The following CHD1L variants were observed in gnomAD, a reference collection of about 807,000 sequenced individuals.
CHD1L encodes chromodomain helicase DNA binding protein 1 like.
A neutral mutation model predicts 115.9 loss-of-function variants in CHD1L; 118 were observed. That is an observed-to-expected ratio of 1.02 (90% confidence interval 0.88 to 1.19). The LOEUF (loss-of-function observed/expected upper bound fraction) is 1.19, where lower values mean the gene tolerates loss of function less well. Ranked by LOEUF, CHD1L falls within the 50% of genes most tolerant of loss-of-function variation. The probability of loss-of-function intolerance (pLI) is 0.00; values close to 1 mark genes in which losing one functional copy is unlikely to be tolerated. For synonymous variants in CHD1L, 411 were observed against 387.1 expected (o/e 1.06, Z -0.72); for missense variants, 1,179 against 1,065.3 (o/e 1.11, Z -1.49).
At chr1:147,266,166 C>G in intron 8 of CHD1L, 79 bp downstream of exon 8, 2 of 1,308,866 alleles carry the variant, frequency 1.5e-6, no homozygotes, top group East Asian at 2.4e-5. Flanking sequence ...TAATCACACT[C>G]ATTTGTATGA....
intron 10 of CHD1L, among the ~76,000 whole-genome samples, chr1:147,269,535 G>T (rs1205919373): frequency 6.6e-6 from 1 of 152,008 alleles, no homozygotes; most frequent in Non-Finnish European, 1.5e-5. Flanking sequence ...CGGGTGTGGT[G>T]GCAGGCGCCT....
At chr1:147,220,919 TA>T in the CHD1L span, among the ~76,000 whole-genome samples, 1 of 124,208 alleles carries the variant, frequency 8.1e-6, no homozygotes, top group Admixed American at 8.7e-5. Flanking sequence ...TTACTTATAA[TA>T]ACATAAAATG....
rs148070462 is a variant in CHD1L at position 147,259,832 on chromosome 1, C to CA, written c.495-4dup. On this transcript the variant is annotated splice_region_variant and splice_polypyrimidine_tract_variant and intron_variant, in intron 5 of 22. Transcript: ENST00000369258. ...AAAACTGAAAGCTTGGGTTTTCTCT[C>CA]ACAGATTCCCTTGGAGTGTTCTTGT... 2.6e-3 allele frequency: 4,201 copies of CA among 1,610,314 alleles called. 77 individuals are homozygous for CA. In the African/African-American group the frequency reaches 0.05, roughly 19 times the overall value.
chr1:147,198,645 T>C, the CHD1L span, among the ~76,000 whole-genome samples: 2 of 151,604 alleles, frequency 1.3e-5, no homozygotes, highest in African/African-American at 2.4e-5. Flanking sequence ...GGTCAAGAGA[T>C]GGAGACCATC....
intron 1 of CHD1L, 90 bp downstream of exon 1, chr1:147,242,920 G>T (rs587621160): frequency 3.3e-6 from 4 of 1,223,790 alleles, no homozygotes; most frequent in Non-Finnish European, 3.1e-6. Flanking sequence ...TGGGCCGCCC[G>T]GTGGGCAGTT....
At chr1:147,202,672 G>C in the CHD1L span, among the ~76,000 whole-genome samples, 3 of 152,164 alleles carry the variant, frequency 2.0e-5, no homozygotes, top group Admixed American at 6.5e-5. Flanking sequence ...AGACAGAGCT[G>C]TCCTGGCCTC....
the CHD1L span, among the ~76,000 whole-genome samples, chr1:147,197,716 A>G: frequency 1.3e-5 from 2 of 151,940 alleles, no homozygotes; most frequent in South Asian, 4.2e-4. Flanking sequence ...AGTGAATTAA[A>G]CCTCTTTCCT....
At chr1:147,233,761 T>C in the CHD1L span, among the ~76,000 whole-genome samples, 1 of 151,982 alleles carries the variant, frequency 6.6e-6, no homozygotes, top group Non-Finnish European at 1.5e-5. Flanking sequence ...GAAAAATTCT[T>C]CTGCCTTGGG....
chr1:147,291,577 GAAC>G, intron 20 of CHD1L, 25 bp downstream of exon 20: 1 of 1,588,152 alleles, frequency 6.3e-7, no homozygotes, highest in African/African-American at 1.3e-5. Flanking sequence ...TCTCTTCTCA[GAAC>G]TACAAGTGGA....
chr1:147,187,046 T>A, the CHD1L span: 6 of 1,614,146 alleles, frequency 3.7e-6, no homozygotes, highest in Non-Finnish European at 5.1e-6. Flanking sequence ...AGGATAGCTT[T>A]TCGAGCCCCA....
At chr1:147,291,750 G>A (rs1271799007) in intron 20 of CHD1L, among the ~76,000 whole-genome samples, 198 bp downstream of exon 20, 1 of 152,162 alleles carries the variant, frequency 6.6e-6, no homozygotes, top group Admixed American at 6.5e-5. Context: ...CCAAGATCAA[G>A]GTATCGGCAG....
chr1:147,259,033 C>T (rs1671043609), intron 5 of CHD1L: 1 of 152,112 alleles, frequency 6.6e-6, no homozygotes, highest in African/African-American at 2.4e-5. Flanking sequence ...TAATATTTTA[C>T]TACCTATTAT....
chr1:147,195,794 T>C, the CHD1L span, among the ~76,000 whole-genome samples: 7 of 152,268 alleles, frequency 4.6e-5, no homozygotes, highest in Admixed American at 3.9e-4. Flanking sequence ...GGCAATATAT[T>C]TTACCTGATA....
Position 147,254,942 on chromosome 1 carries a change from T to A in CHD1L, c.313T>A (p.Ser105Thr). Reference protein sequence around the residue: ...EGPFLILCPLSVLSNWKEEMQ... With the variant: ...EGPFLILCPLTVLSNWKEEMQ... ...GCCATTTCTGATTCTTTGTCCCTTG[T>A]CTGTTTTGAGCAACTGGAAAGAAGA... Residue 105 changes from serine (S) to threonine (T), a missense_variant, in exon 3 of 23, where the codon TCT (serine) becomes ACT (threonine). Physicochemically the swap from Ser to Thr is moderately conservative, Grantham distance 58. Coordinates refer to ENST00000369258, the MANE Select transcript of CHD1L (RefSeq NM_004284.6). 6.2e-7 allele frequency: 1 copy of A among 1,608,746 alleles called. No individual in the cohort carries two copies. Among genetic ancestry groups the A allele is most frequent in the South Asian group, 1.1e-5 (1 of 89,884 alleles).
At position 147,291,548 on chromosome 1, in the gene CHD1L, A is replaced by T. The variant is rs1449356648; in HGVS notation, c.2387A>T (p.Asp796Val). The T allele has an allele frequency of 6.2e-7, 1 of 1,613,290 alleles. No individual in the cohort carries two copies. The highest frequency in any genetic ancestry group is 8.5e-7 in the Non-Finnish European group (1 of 1,179,386). Residue 796 changes from aspartate to valine, a missense_variant, in exon 20 of 23, where the codon GAT becomes GTT. Transcript: ENST00000369258. The stretch of plus-strand genomic sequence containing the variant: ...AAAGAATCAAGAAACAAAGGGCAAG[A>T]TTTGGTAAGTAAAACCCATCTCTTC... ...DDKESRNKGQ[D>V]LLALIVAQHR...
At chr1:147,222,048 G>T in the CHD1L span, among the ~76,000 whole-genome samples, 1 of 152,134 alleles carries the variant, frequency 6.6e-6, no homozygotes, top group South Asian at 2.1e-4. Context: ...TAGGCACAAG[G>T]CTCACACATT....
intron 1 of CHD1L, among the ~76,000 whole-genome samples, chr1:147,247,529 T>A (rs1553934393): frequency 6.6e-6 from 1 of 152,166 alleles, no homozygotes; most frequent in Non-Finnish European, 1.5e-5. Context: ...GTGGAAACAG[T>A]CTGAAGCCCT....
chr1:147,191,479 C>T, the CHD1L span, among the ~76,000 whole-genome samples: 3 of 152,052 alleles, frequency 2.0e-5, no homozygotes, highest in Admixed American at 2.0e-4. Context: ...GCATAAATGT[C>T]TTCTTTTGAG....
intron 12 of CHD1L, 129 bp from the exon 13 acceptor site, chr1:147,275,225 A>C (rs1677882538): frequency 1.4e-6 from 1 of 714,870 alleles, no homozygotes; most frequent in South Asian, 1.6e-5. Context: ...GTGTGGGTCC[A>C]TTTGAAGGAT....
Sources: gnomAD v4.1 joint callset for allele counts (sites outside exome capture counted in the v4.1 genomes callset) on GRCh38, gnomAD v4.1.1 for gene constraint, MANE v1.5 for transcripts, NCBI Gene and HGNC (gene_info 2026-07-23, HGNC 2026-07-21) for gene names.